TRAFD1: variants seen among roughly 807,000 people sequenced by gnomAD.
TRAFD1 encodes TRAF-type zinc finger domain containing 1, also known as TRAF-type zinc finger domain-containing protein 1.
In TRAFD1, 38 loss-of-function variants were observed where a neutral mutation model predicts 65.3. That is an observed-to-expected ratio of 0.58 (90% CI 0.45 to 0.76). The LOEUF (loss-of-function observed/expected upper bound fraction) is 0.76. TRAFD1 is among the 30% of genes least tolerant of loss of function. TRAFD1 has a pLI of 0.00. For synonymous variants in TRAFD1, 223 were observed against 257.2 expected, an observed-to-expected ratio of 0.87 and a Z score of 1.27; for missense variants, 631 against 712.6, an observed-to-expected ratio of 0.89 and a Z score of 1.30.
At chr12:112,141,443 C>T (rs1566049472) in intron 5 of TRAFD1, 1 of 594,524 alleles carries the variant, frequency 1.7e-6, no homozygotes, top group Non-Finnish European at 2.9e-6. Flanking sequence ...TGTAAATAGC[C>T]AACACTTATA....
At chr12:112,126,997 C>T (rs1386024278) in intron 1 of TRAFD1, among the ~76,000 whole-genome samples, 1 of 152,186 alleles carries the variant, frequency 6.6e-6, no homozygotes, top group Non-Finnish European at 1.5e-5. Flanking sequence ...GTTTAAAGCC[C>T]TTCAGTGGTT....
Position 112,147,591 on chromosome 12 carries a change from A to C in TRAFD1, c.928-483A>C, listed in dbSNP as rs140739628. On this transcript the variant is annotated intron_variant, in intron 7 of 11. Transcript: ENST00000412615. ...AATGAACACACTTAAAAAAAACCAT[A>C]AAAATATTTAAAAGTAAAATGAGTG... Among the ~76,000 whole-genome samples the C allele has an allele frequency of 3.5e-3, 535 of 152,312 alleles. 4 individuals are homozygous for C. Among genetic ancestry groups the C allele is most frequent in the African/African-American group, 0.012 (509 of 41,556 alleles).
chr12:112,136,344 G>A (rs2029907468), intron 4 of TRAFD1, among the ~76,000 whole-genome samples: 1 of 150,344 alleles, frequency 6.7e-6, no homozygotes, highest in African/African-American at 2.5e-5. Context: ...CGGTGGTGCA[G>A]TCTTGGCTCA....
intron 4 of TRAFD1, among the ~76,000 whole-genome samples, chr12:112,136,280 G>GTTTT (rs751115049): frequency 1.4e-5 from 2 of 138,354 alleles, no homozygotes; most frequent in Non-Finnish European, 1.6e-5. Context: ...TCAGCCCAAA[G>GTTTT]TTTTTTTTTT....
At chr12:112,128,021 TTTTTTA>T (rs1434188224) in intron 1 of TRAFD1, among the ~76,000 whole-genome samples, 1 of 151,178 alleles carries the variant, frequency 6.6e-6, no homozygotes, top group Non-Finnish European at 1.5e-5. Context: ...TGTCCTTTTT[TTTTTTA>T]TTTTTATTTT....
At position 112,130,377 on chromosome 12, in the gene TRAFD1, A is replaced by G. The variant is rs977038369; in HGVS notation, c.-12-134A>G. On this transcript the variant is annotated intron_variant, in intron 1 of 11. Coordinates refer to ENST00000412615, the MANE Select transcript of TRAFD1 (RefSeq NM_006700.3). This position sits in a 1 kb window ranked among gnomAD's most constrained non-coding sequence, Gnocchi z 4.4. ...AAATAAGAAAATCCCAAGGGACTGG[A>G]TATTGAATAAAATGCTTTAACATGC... 3.6e-6 allele frequency: 2 copies of G among 557,344 alleles called. No homozygotes were observed. Among genetic ancestry groups the G allele is most frequent in the Non-Finnish European group, 6.4e-6 (2 of 313,942 alleles). The allele number at this position is 557,344 out of a possible 1,614,324, so 34.5% of individuals were successfully genotyped here. A position where few individuals can be genotyped will look rare whatever the true frequency, so the allele number is the denominator to read the frequency against.
At position 112,152,608 on chromosome 12, in the gene TRAFD1, A is replaced by G. The variant is rs1201905142; in HGVS notation, c.1692+109A>G. On this transcript the variant is annotated intron_variant, in intron 11 of 11. Transcript: ENST00000412615. This position sits in a 1 kb window ranked among gnomAD's most constrained non-coding sequence, Gnocchi z 5.0. ...TTGGGACCAGGCTGGTTGTGGTTCA[A>G]AGATTGTTCCTTTGGCTTTTGAGAA... 6.3e-7 allele frequency: 1 copy of G among 1,595,782 alleles called. No homozygotes were observed. Among genetic ancestry groups the G allele is most frequent in the Non-Finnish European group, 8.6e-7 (1 of 1,167,154 alleles).
rs2079563673 is a variant in TRAFD1 at position 112,130,822 on chromosome 12, T to C, written c.47+253T>C. Among the ~76,000 whole-genome samples the C allele has an allele frequency of 1.3e-5, 2 of 152,208 alleles. No individual in the cohort carries two copies. The highest frequency in any genetic ancestry group is 4.8e-5 in the African/African-American group (2 of 41,464). ...AGAACTTATCTTGGTATCTTGGTGC[T>C]ATACAAGTGCTGTTACTGTAAGCTG... On this transcript the variant is annotated intron_variant, in intron 2 of 11. Coordinates refer to ENST00000412615, the MANE Select transcript of TRAFD1 (RefSeq NM_006700.3). The surrounding 1 kb of genome is among the most constrained non-coding windows in gnomAD (Gnocchi z 4.4).
intron 4 of TRAFD1, among the ~76,000 whole-genome samples, chr12:112,136,117 A>G (rs2136972155): frequency 6.6e-6 from 1 of 150,712 alleles, no homozygotes; most frequent in Non-Finnish European, 1.5e-5. Context: ...TGACAGGGTG[A>G]GACTACATCT....
Position 112,152,211 on chromosome 12 carries a change from C to T in TRAFD1, c.1619+71C>T, listed in dbSNP as rs2136983935. On this transcript the variant is annotated intron_variant, in intron 10 of 11. Coordinates refer to ENST00000412615, the MANE Select transcript of TRAFD1 (RefSeq NM_006700.3). The surrounding 1 kb of genome is among the most constrained non-coding windows in gnomAD (Gnocchi z 5.0). ...GAACATGGGCAAAGGCCTGGTTACC[C>T]TTGCCAGGCCTGGGGTAAGACTGAG... 1 of 1,511,780 alleles carries T rather than the reference C, an allele frequency of 6.6e-7. No homozygotes were observed. The highest frequency in any genetic ancestry group is 1.8e-4 in the Middle Eastern group (1 of 5,712). The allele number at this position is 1,511,780 out of a possible 1,614,324, so 93.6% of individuals were successfully genotyped here.
intron 1 of TRAFD1, among the ~76,000 whole-genome samples, chr12:112,128,380 TA>T (rs2136967286): frequency 6.6e-6 from 1 of 152,362 alleles, no homozygotes; most frequent in African/African-American, 2.4e-5. Context: ...ACTCGCTTGA[TA>T]ATGCCAAAAC....
rs570182294 is a variant in TRAFD1, at chr12:112,137,817, T to C, written c.237+2751T>C. Among the ~76,000 whole-genome samples the C allele has an allele frequency of 6.6e-6, 1 of 152,170 alleles. No individual in the cohort carries two copies. Among genetic ancestry groups the C allele is most frequent in the Non-Finnish European group, 1.5e-5 (1 of 67,998 alleles). Reference sequence around the variant, plus strand: ...AAAATCCAAACAGCTGTTTATATGGTAGTTATAGAAGAGTGGATATACATA... The same window carrying C: ...AAAATCCAAACAGCTGTTTATATGGCAGTTATAGAAGAGTGGATATACATA... On this transcript the variant is annotated intron_variant, in intron 4 of 11. Transcript: ENST00000412615. This position sits in a 1 kb window ranked among gnomAD's most constrained non-coding sequence, Gnocchi z 4.2.
chr12:112,136,578 C>T (rs1017757271), intron 4 of TRAFD1, among the ~76,000 whole-genome samples: 4 of 151,930 alleles, frequency 2.6e-5, no homozygotes, highest in Admixed American at 6.6e-5. Context: ...CCACCATGCC[C>T]GGTCATTTTT....
chr12:112,152,533 G>A lies in TRAFD1; in HGVS notation c.1692+34G>A, dbSNP rs757326498. On this transcript the variant is annotated intron_variant, in intron 11 of 11. Coordinates refer to ENST00000412615, the MANE Select transcript of TRAFD1 (RefSeq NM_006700.3). This position sits in a 1 kb window ranked among gnomAD's most constrained non-coding sequence, Gnocchi z 5.0. ...GGCTCCAGCCCATGATGCTCAGTGG[G>A]GGACTCAGACATGGTGGGGCTTGTG... 7 of 1,613,026 alleles carry A rather than the reference G, an allele frequency of 4.3e-6. No homozygotes were observed. The highest frequency in any genetic ancestry group is 2.2e-5 in the South Asian group (2 of 91,038).
intron 8 of TRAFD1, 80 bp downstream of exon 8, chr12:112,148,384 C>T: frequency 8.3e-7 from 1 of 1,211,926 alleles, no homozygotes; most frequent in South Asian, 1.4e-5. Flanking sequence ...CTTCCTTAGC[C>T]TTTAAGTTGC....
At chr12:112,138,936 A>G (rs1178681922) in intron 4 of TRAFD1, among the ~76,000 whole-genome samples, 1 of 152,168 alleles carries the variant, frequency 6.6e-6, no homozygotes, top group Non-Finnish European at 1.5e-5. Flanking sequence ...TTGTATATAC[A>G]TGAACTACCT....
chr12:112,142,074 G>GT lies in TRAFD1; in HGVS notation c.644-4dup, dbSNP rs761569606. On this transcript the variant is annotated splice_polypyrimidine_tract_variant and intron_variant, in intron 5 of 11. Coordinates refer to ENST00000412615, the MANE Select transcript of TRAFD1 (RefSeq NM_006700.3). ...TCTAATGTATCCTGAATGTTGGTTG[G>GT]TTTTTTTTTTTCAGTTGAAGAACAA... 0.065 allele frequency: 57,114 copies of GT among 878,774 alleles called. No individual in the cohort carries two copies. Among genetic ancestry groups the GT allele is most frequent in the South Asian group, 0.093 (4,229 of 45,318 alleles). The allele number at this position is 878,774 out of a possible 1,614,324, so 54.4% of individuals were successfully genotyped here. A position where few individuals can be genotyped will look rare whatever the true frequency, so the allele number is the denominator to read the frequency against.
chr12:112,152,801 C>T lies in TRAFD1; in HGVS notation c.*10C>T. ...GGAAGAGGAGGAGTAATGGTGTCTC[C>T]AGAGACTTTACATCGGTTCCTGTCT... On this transcript the variant is annotated 3_prime_UTR_variant, in exon 12 of 12. Transcript: ENST00000412615. The surrounding 1 kb of genome is among the most constrained non-coding windows in gnomAD (Gnocchi z 5.0). 2 of 1,614,028 alleles carry T rather than the reference C, an allele frequency of 1.2e-6. No individual in the cohort carries two copies. The highest frequency in any genetic ancestry group is 4.5e-5 in the East Asian group (2 of 44,886).
At chr12:112,149,703 T>G (rs772401610) in intron 8 of TRAFD1, 48 bp from the exon 9 acceptor site, 2 of 1,610,572 alleles carry the variant, frequency 1.2e-6, no homozygotes, top group Non-Finnish European at 1.7e-6. Context: ...TGCTCTTTTC[T>G]GGGAATGACT....
Sources: allele counts gnomAD v4.1 joint callset (sites outside exome capture counted in the v4.1 genomes callset), GRCh38; gene constraint gnomAD v4.1.1; non-coding constraint Gnocchi (gnomAD v3.1); transcripts MANE v1.5; gene names NCBI Gene and HGNC (gene_info 2026-07-23, HGNC 2026-07-21).